Variants in AMMECR1 observed in about 807,000 individuals in gnomAD.
AMMECR1 encodes nuclear protein AMMECR1.
AMMECR1 carries 3 observed loss-of-function variants against 22.5 expected under a neutral mutation model. The observed-to-expected ratio is 0.13, with a 90% CI of 0.06 to 0.35. The LOEUF (loss-of-function observed/expected upper bound fraction) is 0.35, where lower values mean the gene tolerates loss of function less well. Among genes scored for constraint, AMMECR1 ranks in the 10% least tolerant of loss-of-function variants. AMMECR1 has a pLI of 1.00. For synonymous variants in AMMECR1, 130 were observed against 116.7 expected (o/e 1.11, Z -0.74); for missense variants, 235 against 278.7 (o/e 0.84, Z 1.12).
intron 2 of AMMECR1, among the ~76,000 whole-genome samples, chrX:110,412,292 T>C (rs2068646548): frequency 8.9e-6 from 1 of 112,575 alleles, no homozygotes; most frequent in Admixed American, 9.4e-5. Context: ...CTTTGCAAAA[T>C]GCTCCATGTA....
intron 2 of AMMECR1, among the ~76,000 whole-genome samples, chrX:110,351,092 G>A (rs747000840): frequency 8.9e-6 from 1 of 112,606 alleles, no homozygotes; most frequent in Admixed American, 9.4e-5. Flanking sequence ...TTTGAAAGAA[G>A]TGGAAGAAAA....
chrX:110,422,952 G>C (rs1009260027), intron 2 of AMMECR1, among the ~76,000 whole-genome samples: 1 of 112,244 alleles, frequency 8.9e-6, no homozygotes, highest in African/African-American at 3.2e-5. Context: ...GCAAAGAACA[G>C]AAAGAGGAGA....
At chrX:110,204,456 G>A (rs1489008363) in intron 3 of AMMECR1, among the ~76,000 whole-genome samples, 1 of 110,650 alleles carries the variant, frequency 9.0e-6, no homozygotes, top group Admixed American at 9.6e-5. Context: ...GGTGGGGAGC[G>A]GGGCTGCAAA....
At chrX:110,294,310 T>C (rs1374415887) in intron 1 of AMMECR1, among the ~76,000 whole-genome samples, 3 of 112,017 alleles carry the variant, frequency 2.7e-5, no homozygotes, top group African/African-American at 6.5e-5. Context: ...TCCTCAATCA[T>C]GTACAGCTTA....
intron 2 of AMMECR1, among the ~76,000 whole-genome samples, chrX:110,259,580 ACTTT>A (rs762546961): frequency 5.2e-4 from 57 of 109,411 alleles, no homozygotes; most frequent in East Asian, 1.1e-3. Context: ...TTTTAAGGAA[ACTTT>A]CTTTTTCTTT....
At chrX:110,367,165 A>G (rs1207248342) in intron 2 of AMMECR1, among the ~76,000 whole-genome samples, 1 of 111,505 alleles carries the variant, frequency 9.0e-6, no homozygotes, top group Admixed American at 9.5e-5. Flanking sequence ...CAAGTCATTC[A>G]CTCTTCCCTC....
chrX:110,409,151 G>T (rs984456930), intron 2 of AMMECR1, among the ~76,000 whole-genome samples: 1 of 111,281 alleles, frequency 9.0e-6, no homozygotes, highest in East Asian at 2.8e-4. Flanking sequence ...ATGTAGGTCA[G>T]CATAGTCGGG....
At chrX:110,265,870 TC>T (rs1402089173) in intron 1 of AMMECR1, among the ~76,000 whole-genome samples, 2 of 111,567 alleles carry the variant, frequency 1.8e-5, no homozygotes, top group Non-Finnish European at 3.8e-5. Context: ...TCAATCACCC[TC>T]CTTAAACATT....
intron 2 of AMMECR1, among the ~76,000 whole-genome samples, chrX:110,355,301 G>A (rs1321924672): frequency 1.8e-5 from 2 of 112,065 alleles, no homozygotes; most frequent in Non-Finnish European, 3.8e-5. Context: ...TCAGGTTGGT[G>A]AGGTGGGAGG....
intron 2 of AMMECR1, among the ~76,000 whole-genome samples, chrX:110,341,915 T>A (rs763905147): frequency 8.2e-5 from 9 of 110,209 alleles, no homozygotes; most frequent in Non-Finnish European, 1.5e-4. Context: ...ATACAAAAAT[T>A]AGGCATAGTG....
intron 5 of AMMECR1, 57 bp downstream of exon 5, chrX:110,200,897 T>C (rs1293404513): frequency 3.6e-6 from 3 of 843,374 alleles, no homozygotes; most frequent in South Asian, 4.3e-5. Flanking sequence ...CAAAGGGTTA[T>C]AGGCATACAC....
At chrX:110,291,249 G>A (rs961588442) in intron 1 of AMMECR1, among the ~76,000 whole-genome samples, 13 of 111,721 alleles carry the variant, frequency 1.2e-4, no homozygotes, top group African/African-American at 2.6e-4. Flanking sequence ...CAAGCCGGGC[G>A]TGGTGGCTCA....
At chrX:110,412,585 T>C (rs980869292) in intron 2 of AMMECR1, among the ~76,000 whole-genome samples, 2 of 111,873 alleles carry the variant, frequency 1.8e-5, no homozygotes, top group African/African-American at 6.5e-5. Context: ...TTGTGAAGAG[T>C]AAATGAGATA....
At chrX:110,289,703 CTA>C (rs1056661653) in intron 1 of AMMECR1, among the ~76,000 whole-genome samples, 3 of 111,965 alleles carry the variant, frequency 2.7e-5, no homozygotes, top group Non-Finnish European at 5.6e-5. Context: ...CGTTAAATTC[CTA>C]TTAGTCCACA....
chrX:110,200,241 T>G (rs191850704), intron 5 of AMMECR1, among the ~76,000 whole-genome samples: 160 of 111,685 alleles, frequency 1.4e-3, no homozygotes, highest in African/African-American at 4.8e-3. Flanking sequence ...GATCTCATAT[T>G]ATCCATCATA....
At chrX:110,339,599 C>T (rs1263239537) in intron 2 of AMMECR1, among the ~76,000 whole-genome samples, 5 of 110,539 alleles carry the variant, frequency 4.5e-5, no homozygotes, top group African/African-American at 1.3e-4. Context: ...TGGGTTCAAG[C>T]GATTCTCCTG....
At chrX:110,413,281 T>C (rs1328193843) in intron 2 of AMMECR1, among the ~76,000 whole-genome samples, 2 of 111,538 alleles carry the variant, frequency 1.8e-5, no homozygotes, top group African/African-American at 3.3e-5. Flanking sequence ...TGCTGAAACC[T>C]GAGTCTCCAC....
chrX:110,282,516 T>C (rs2067857624), intron 1 of AMMECR1, among the ~76,000 whole-genome samples: 1 of 111,126 alleles, frequency 9.0e-6, no homozygotes, highest in Non-Finnish European at 1.9e-5. Flanking sequence ...GTATTATAAT[T>C]CTGTCAATAA....
At chrX:110,343,001 A>C (rs1204435141) in intron 2 of AMMECR1, among the ~76,000 whole-genome samples, 1 of 111,460 alleles carries the variant, frequency 9.0e-6, no homozygotes, top group Non-Finnish European at 1.9e-5. Context: ...ATGAGGCCAG[A>C]ATCATCCTGA....
Sources: allele counts gnomAD v4.1 joint callset (sites outside exome capture counted in the v4.1 genomes callset), GRCh38; gene constraint gnomAD v4.1.1; transcripts MANE v1.5; gene names NCBI Gene and HGNC (gene_info 2026-07-23, HGNC 2026-07-21).